GNAL: variants seen among roughly 807,000 people sequenced by gnomAD.
GNAL encodes G protein subunit alpha L, also known as guanine nucleotide-binding protein G(olf) subunit alpha.
Under a neutral mutation model 55.1 loss-of-function variants are expected in GNAL, and 18 were observed. The observed-to-expected ratio is 0.33, with a 90% CI of 0.23 to 0.48. The LOEUF (loss-of-function observed/expected upper bound fraction) is 0.48. Among genes scored for constraint, GNAL ranks in the 20% least tolerant of loss-of-function variants. GNAL has a pLI of 0.99. For missense variants in GNAL, 412 were observed against 614.1 expected (o/e 0.67, Z 3.48); for synonymous variants, 253 against 237.0 (o/e 1.07, Z -0.62).
rs201617609 is a variant in GNAL, at chr18:11,808,005, TC to T, written c.625-16911del. Among the ~76,000 whole-genome samples, 285 of 149,914 alleles carry T rather than the reference TC, an allele frequency of 1.9e-3. 3 individuals are homozygous for T. Among genetic ancestry groups the T allele is most frequent in the African/African-American group, 6.8e-3 (274 of 40,368 alleles). ...CTCATCACACAGGAGAAACCACACT[TC>T]CTTGTCCAGCCCAGCCTTCTTTTTT... is the stretch of plus-strand genomic sequence containing the variant. On this transcript the variant is annotated intron_variant, in intron 4 of 11. Transcript: ENST00000334049.
At chr18:11,854,025 A>G (rs773506850) in intron 5 of GNAL, 2 of 166,500 alleles carry the variant, frequency 1.2e-5, no homozygotes, top group South Asian at 2.1e-4. Context: ...GGGTTTCACT[A>G]TGTTGGCCAG....
chr18:11,820,673 T>TA (rs1240123561), intron 4 of GNAL, among the ~76,000 whole-genome samples: 1 of 152,202 alleles, frequency 6.6e-6, no homozygotes. Context: ...CTTTTCCATG[T>TA]AAAACATTGA....
chr18:11,759,181 AC>A (rs201899550), intron 4 of GNAL, among the ~76,000 whole-genome samples: 48 of 151,854 alleles, frequency 3.2e-4, no homozygotes, highest in African/African-American at 1.1e-3. Context: ...TCAAAAAAAA[AC>A]AAAAAGGAAG....
chr18:11,807,861 T>G (rs1178809474), intron 4 of GNAL, among the ~76,000 whole-genome samples: 1 of 151,986 alleles, frequency 6.6e-6, no homozygotes, highest in East Asian at 1.9e-4. Context: ...CATGATGTCT[T>G]GAAGGCCAAG....
At chr18:11,767,897 T>A (rs929889840) in intron 4 of GNAL, among the ~76,000 whole-genome samples, 1 of 151,526 alleles carries the variant, frequency 6.6e-6, no homozygotes, top group Non-Finnish European at 1.5e-5. Context: ...GATGTCCTTA[T>A]TTAAATATTG....
intron 1 of GNAL, among the ~76,000 whole-genome samples, chr18:11,705,837 C>A (rs1197128022): frequency 6.7e-6 from 1 of 149,992 alleles, no homozygotes; most frequent in Non-Finnish European, 1.5e-5. Context: ...CTCACTGCAA[C>A]CTTCGCCTCC....
intron 4 of GNAL, among the ~76,000 whole-genome samples, chr18:11,772,712 C>T (rs1306948526): frequency 3.9e-5 from 6 of 152,194 alleles, no homozygotes; most frequent in Non-Finnish European, 1.5e-5. Context: ...CCCGATTCCT[C>T]ATCCAGTTCT....
At chr18:11,710,833 CT>C (rs1327857592) in intron 1 of GNAL, among the ~76,000 whole-genome samples, 1 of 152,092 alleles carries the variant, frequency 6.6e-6, no homozygotes, top group Non-Finnish European at 1.5e-5. Flanking sequence ...TTGTCTTTGA[CT>C]TTTGACAATT....
intron 4 of GNAL, among the ~76,000 whole-genome samples, chr18:11,755,877 A>G (rs972148353): frequency 2.0e-5 from 3 of 152,186 alleles, no homozygotes; most frequent in African/African-American, 7.2e-5. Flanking sequence ...TGCTATGTAC[A>G]CTGGCAAAAT....
At chr18:11,824,400 A>AT in intron 4 of GNAL, among the ~76,000 whole-genome samples, 1 of 152,278 alleles carries the variant, frequency 6.6e-6, no homozygotes, top group Non-Finnish European at 1.5e-5. Flanking sequence ...TGATAAAACG[A>AT]TTTTGGGCCA....
intron 5 of GNAL, among the ~76,000 whole-genome samples, chr18:11,855,686 T>C (rs2035989759): frequency 6.6e-6 from 1 of 152,130 alleles, no homozygotes; most frequent in Non-Finnish European, 1.5e-5. Context: ...TGGAAAAGAC[T>C]GCTGGGCCAG....
At chr18:11,759,851 C>T (rs1054184164) in intron 4 of GNAL, among the ~76,000 whole-genome samples, 1 of 152,214 alleles carries the variant, frequency 6.6e-6, no homozygotes, top group Non-Finnish European at 1.5e-5. Context: ...AAGCCTGTGT[C>T]TATCTCCTGC....
intron 4 of GNAL, among the ~76,000 whole-genome samples, chr18:11,769,481 A>T (rs1283353665): frequency 2.0e-5 from 3 of 151,972 alleles, no homozygotes; most frequent in Non-Finnish European, 4.4e-5. Context: ...TCTGGGGGAC[A>T]GTAAGCTTTG....
intron 8 of GNAL, 27 bp downstream of exon 8, chr18:11,867,253 A>G (rs1323913751): frequency 2.2e-6 from 3 of 1,378,106 alleles, no homozygotes; most frequent in Non-Finnish European, 3.1e-6. Flanking sequence ...CTCTCAAGAA[A>G]ATAGGAGTGA....
At chr18:11,838,146 C>T (rs1252243389) in intron 5 of GNAL, among the ~76,000 whole-genome samples, 9 of 152,072 alleles carry the variant, frequency 5.9e-5, no homozygotes, top group East Asian at 1.9e-4. Context: ...AAAGCGTTAA[C>T]GACCCAAATG....
At chr18:11,690,207 C>G (rs1220979781) in intron 1 of GNAL, among the ~76,000 whole-genome samples, 2 of 152,300 alleles carry the variant, frequency 1.3e-5, no homozygotes, top group Non-Finnish European at 1.5e-5. Context: ...GCCGCTCGCT[C>G]TCTCTAATTA....
intron 7 of GNAL, among the ~76,000 whole-genome samples, chr18:11,865,212 G>A (rs1324248660): frequency 7.8e-6 from 1 of 128,258 alleles, no homozygotes; most frequent in African/African-American, 2.9e-5. Flanking sequence ...CCTGGATCGT[G>A]CTGTTCCTCT....
At chr18:11,840,779 G>C (rs1355337753) in intron 5 of GNAL, among the ~76,000 whole-genome samples, 1 of 152,148 alleles carries the variant, frequency 6.6e-6, no homozygotes, top group East Asian at 1.9e-4. Flanking sequence ...AGCACCCGGA[G>C]GCCTCCAGTG....
At chr18:11,866,884 G>A (rs993003643) in intron 7 of GNAL, among the ~76,000 whole-genome samples, 2 of 139,716 alleles carry the variant, frequency 1.4e-5, no homozygotes, top group Non-Finnish European at 2.9e-5. Context: ...GATTTATTAA[G>A]GACCTACTGT....
Sources: gnomAD v4.1 joint callset for allele counts (sites outside exome capture counted in the v4.1 genomes callset) on GRCh38, gnomAD v4.1.1 for gene constraint, MANE v1.5 for transcripts, NCBI Gene and HGNC (gene_info 2026-07-23, HGNC 2026-07-21) for gene names.